The following MIER1 variants were observed in gnomAD, a reference collection of about 807,000 sequenced individuals.
MIER1 encodes the protein mesoderm induction early response protein 1.
Under a neutral mutation model 75.7 loss-of-function variants are expected in MIER1, and 40 were observed. The observed-to-expected ratio is 0.53, with a 90% CI of 0.41 to 0.69. The LOEUF (loss-of-function observed/expected upper bound fraction) is 0.69, where lower values mean the gene tolerates loss of function less well. Ranked by LOEUF, MIER1 falls within the 30% of genes least tolerant of loss-of-function variation. The pLI is 0.00. For missense variants in MIER1, 574 were observed against 680.2 expected, an observed-to-expected ratio of 0.84 and a Z score of 1.74; for synonymous variants, 213 against 223.4, an observed-to-expected ratio of 0.95 and a Z score of 0.42.
chr1:66,959,751 G>T lies in MIER1; in HGVS notation c.699+8G>T. On this transcript the variant is annotated splice_region_variant and intron_variant, in intron 7 of 13. Transcript: ENST00000401041. Reference sequence around the variant, plus strand: ...TCAGAAGACTGGAAAAAGGTAGTTAGAACAATATTTTCCCAAAATTTAGAT... The same window carrying T: ...TCAGAAGACTGGAAAAAGGTAGTTATAACAATATTTTCCCAAAATTTAGAT... 2 of 1,356,542 alleles carry T rather than the reference G, an allele frequency of 1.5e-6. No homozygotes were observed. Among genetic ancestry groups the T allele is most frequent in the Non-Finnish European group, 2.0e-6 (2 of 1,012,206 alleles). The allele number at this position is 1,356,542 out of a possible 1,614,324, so 84.0% of individuals were successfully genotyped here.
intron 4 of MIER1, among the ~76,000 whole-genome samples, chr1:66,952,040 A>T (rs752299537): frequency 1.4e-4 from 21 of 152,240 alleles, no homozygotes; most frequent in Non-Finnish European, 2.6e-4. Flanking sequence ...AGCGCTTAAC[A>T]TAATATTTGG....
intron 1 of MIER1, chr1:66,925,672 C>G (rs1651508573): frequency 6.8e-6 from 3 of 444,178 alleles, no homozygotes; most frequent in Non-Finnish European, 6.0e-6. Context: ...GCCCGCCGCT[C>G]TTTACTCTTG....
At chr1:66,979,750 TC>T (rs371783175) in intron 12 of MIER1, among the ~76,000 whole-genome samples, 139 of 151,872 alleles carry the variant, frequency 9.2e-4, no homozygotes, top group African/African-American at 3.3e-3. Flanking sequence ...AACTCTTGTT[TC>T]CTTTGCCTTG....
intron 8 of MIER1, among the ~76,000 whole-genome samples, chr1:66,969,063 G>A (rs546943611): frequency 6.6e-6 from 1 of 152,238 alleles, no homozygotes; most frequent in South Asian, 2.1e-4. Flanking sequence ...TAGTTTTATT[G>A]TATTTATAAT....
At chr1:66,950,182 C>T (rs1290875421) in intron 4 of MIER1, among the ~76,000 whole-genome samples, 1 of 152,102 alleles carries the variant, frequency 6.6e-6, no homozygotes, top group Non-Finnish European at 1.5e-5. Context: ...GATCTCGGCT[C>T]ACTGCAACCT....
intron 2 of MIER1, chr1:66,928,758 A>C: frequency 7.1e-6 from 4 of 559,542 alleles, no homozygotes; most frequent in Non-Finnish European, 1.2e-5. Context: ...ATCCTGAAAA[A>C]CACTTTTATA....
chr1:66,973,043 A>T (rs761336415), intron 11 of MIER1, 52 bp downstream of exon 11: 1 of 926,908 alleles, frequency 1.1e-6, no homozygotes, highest in Non-Finnish European at 1.8e-6. Flanking sequence ...TGAACAACTC[A>T]AATGGTCATG....
At chr1:66,937,413 C>T (rs1167363279) in intron 2 of MIER1, among the ~76,000 whole-genome samples, 3 of 151,976 alleles carry the variant, frequency 2.0e-5, no homozygotes, top group Non-Finnish European at 2.9e-5. Flanking sequence ...ATGGTGAAAC[C>T]GTCTCTATTA....
At chr1:66,976,047 G>T (rs1053256638) in intron 11 of MIER1, among the ~76,000 whole-genome samples, 1 of 152,068 alleles carries the variant, frequency 6.6e-6, no homozygotes, top group Admixed American at 6.5e-5. Context: ...GAGTGCAGTG[G>T]TGTGATCTCA....
chr1:66,945,047 G>A (rs1657168780), intron 3 of MIER1, among the ~76,000 whole-genome samples: 1 of 151,988 alleles, frequency 6.6e-6, no homozygotes, highest in Non-Finnish European at 1.5e-5. Context: ...TTTCAAGGAA[G>A]TACTTATAGA....
At chr1:66,930,606 T>C (rs1179229384) in intron 2 of MIER1, among the ~76,000 whole-genome samples, 7 of 151,582 alleles carry the variant, frequency 4.6e-5, no homozygotes, top group Admixed American at 4.6e-4. Flanking sequence ...AGCGGAGGCG[T>C]ACTTGGACTT....
At chr1:66,930,709 C>T (rs1375505111) in intron 2 of MIER1, among the ~76,000 whole-genome samples, 1 of 152,028 alleles carries the variant, frequency 6.6e-6, no homozygotes, top group Non-Finnish European at 1.5e-5. Context: ...CGCAACTTCG[C>T]CGGCCGGTGC....
intron 3 of MIER1, among the ~76,000 whole-genome samples, chr1:66,940,506 G>A (rs1655971468): frequency 6.6e-6 from 1 of 152,050 alleles, no homozygotes; most frequent in Non-Finnish European, 1.5e-5. Flanking sequence ...AATATTTAAT[G>A]TAAATAAGGA....
rs138992572 is a variant in MIER1 at position 66,970,440 on chromosome 1, CTA to C, written c.773-366_773-365del. Among the ~76,000 whole-genome samples the C allele has an allele frequency of 4.2e-3, 636 of 152,208 alleles. 3 individuals carry two copies. Among genetic ancestry groups the C allele is most frequent in the Non-Finnish European group, 5.0e-3 (340 of 67,988 alleles). On this transcript the variant is annotated intron_variant, in intron 8 of 13. Coordinates refer to ENST00000401041, the MANE Select transcript of MIER1 (RefSeq NM_001077700.3). ...TGTAAAGTGCTTTAAATCCTTAAAA[CTA>C]TGTGGTAGAGTTATTGTTACCTCCT...
In MIER1 at chr1:66,984,755, A is replaced by G. The variant is rs1263075186; in HGVS notation, c.1553A>G (p.Glu518Gly). 1 of 1,614,064 alleles carries G rather than the reference A, an allele frequency of 6.2e-7. No individual in the cohort carries two copies. Among genetic ancestry groups the G allele is most frequent in the Non-Finnish European group, 8.5e-7 (1 of 1,179,956 alleles). The change falls in exon 14 of 14, where the codon GAA becomes GGA. Residue 518 changes from glutamate (E) to glycine (G), a missense_variant. This residue lies in a region of MIER1 where 164 missense variants were observed against 154.3 expected (regional missense o/e 1.06). Transcript: ENST00000401041. ...CTTGCCCATATGACTGCAAGAAATG[A>G]AAATGATTTTGATGAAAAAAGTGAG... Reference protein sequence around the residue: ...PKLAHMTARNENDFDEKSERP... With the variant: ...PKLAHMTARNGNDFDEKSERP...
Position 66,958,089 on chromosome 1 carries a change from A to G in MIER1, c.370A>G (p.Ser124Gly). ...CGACATGCCAATTCATGAACTTCTCAGCCTTTATGGTTATGGTAGTACTGT... is the reference window on the plus strand; with the variant it reads ...CGACATGCCAATTCATGAACTTCTCGGCCTTTATGGTTATGGTAGTACTGT... ...EGDMPIHELL[S>G]LYGYGSTVRL... The change falls in exon 5 of 14, where the codon AGC becomes GGC. Residue 124 changes from serine to glycine, a missense_variant. By Grantham distance (56) the Ser-to-Gly change is moderately conservative. Transcript: ENST00000401041. 6.2e-7 allele frequency: 1 copy of G among 1,606,420 alleles called. No homozygotes were observed.
At chr1:66,957,086 G>T (rs138391135) in intron 4 of MIER1, among the ~76,000 whole-genome samples, 2 of 152,180 alleles carry the variant, frequency 1.3e-5, no homozygotes, top group East Asian at 3.9e-4. Context: ...CATGTGCATT[G>T]TATGTGGGTG....
intron 8 of MIER1, 46 bp from the exon 9 acceptor site, chr1:66,970,762 T>C (rs1663432887): frequency 7.2e-7 from 1 of 1,390,394 alleles, no homozygotes; most frequent in Non-Finnish European, 9.7e-7. Flanking sequence ...ACACAAACTC[T>C]ATCAGTTTTT....
chr1:66,925,548 T>C, intron 1 of MIER1: 3 of 985,432 alleles, frequency 3.0e-6, no homozygotes, highest in South Asian at 4.7e-5. Context: ...AGCAGCGCCC[T>C]GGGCCAACTT....
Sources: gnomAD v4.1 joint callset for allele counts (sites outside exome capture counted in the v4.1 genomes callset) on GRCh38, gnomAD v4.1.1 for gene constraint, gnomAD v4.1.1 regional missense constraint, MANE v1.5 for transcripts, NCBI Gene and HGNC (gene_info 2026-07-23, HGNC 2026-07-21) for gene names.